The following EYS variants were observed in gnomAD, a reference collection of about 807,000 sequenced individuals.
The protein encoded by EYS is protein eyes shut homolog.
Under a neutral mutation model 282.1 loss-of-function variants are expected in EYS, and 250 were observed. The ratio of observed to expected loss-of-function variants is 0.89; its 90% CI spans 0.80 to 0.98. EYS has a LOEUF of 0.98. EYS is among the 50% of genes least tolerant of loss of function. EYS has a pLI of 0.00. For missense variants in EYS, 4,016 were observed against 3,709.0 expected (o/e 1.08, Z -2.15); for synonymous variants, 1,355 against 1,282.9 (o/e 1.06, Z -1.20).
At chr6:64,598,891 G>A (rs1766671539) in intron 24 of EYS, among the ~76,000 whole-genome samples, 1 of 152,230 alleles carries the variant, frequency 6.6e-6, no homozygotes, top group Admixed American at 6.5e-5. Flanking sequence ...GCAGTGGCCA[G>A]GGAAGTCTTC....
chr6:64,203,211 C>T (rs552274026), intron 31 of EYS, among the ~76,000 whole-genome samples: 3 of 152,290 alleles, frequency 2.0e-5, no homozygotes, highest in African/African-American at 7.2e-5. Context: ...CAATCCATGA[C>T]TGGAAGCCAG....
At chr6:65,247,889 T>C (rs1246664764) in intron 12 of EYS, among the ~76,000 whole-genome samples, 1 of 152,064 alleles carries the variant, frequency 6.6e-6, no homozygotes, top group Non-Finnish European at 1.5e-5. Flanking sequence ...AGGTTATCTT[T>C]AGGCTTTACA....
intron 5 of EYS, among the ~76,000 whole-genome samples, chr6:65,463,397 A>C (rs1230944191): frequency 6.6e-6 from 1 of 152,144 alleles, no homozygotes; most frequent in East Asian, 1.9e-4. Context: ...AATTGATATA[A>C]AATTGGTAAA....
intron 1 of EYS, among the ~76,000 whole-genome samples, chr6:65,653,881 T>G (rs1179196943): frequency 6.6e-6 from 1 of 151,932 alleles, no homozygotes; most frequent in Non-Finnish European, 1.5e-5. Flanking sequence ...TATAAGGACA[T>G]AGGAAGGCAA....
In EYS at chr6:64,095,220, T is replaced by C. The variant is rs143245819; in HGVS notation, c.6425-13218A>G. ...AGGTGTGGTGTGATGCTGAAAAGAA[T>C]GTATATTCTGTTGATTTGGGGTGGA... On this transcript the variant is annotated intron_variant, in intron 31 of 42. Transcript: ENST00000503581. Among the ~76,000 whole-genome samples the C allele has an allele frequency of 1.8e-4, 28 of 152,300 alleles. 1 individual carries two copies. The highest frequency in any genetic ancestry group is 6.7e-4 in the African/African-American group (28 of 41,568).
chr6:63,745,218 AG>A (rs1769183694), intron 41 of EYS, among the ~76,000 whole-genome samples: 1 of 152,218 alleles, frequency 6.6e-6, no homozygotes, highest in African/African-American at 2.4e-5. Context: ...ATGTAAAAGG[AG>A]GCTTTCCACC....
At chr6:65,059,831 T>C (rs1353399521) in intron 12 of EYS, among the ~76,000 whole-genome samples, 1 of 152,084 alleles carries the variant, frequency 6.6e-6, no homozygotes, top group Admixed American at 6.6e-5. Flanking sequence ...AGTCCTCAAG[T>C]TCCCAAAGAC....
At chr6:65,240,656 TCAC>T (rs918066111) in intron 12 of EYS, among the ~76,000 whole-genome samples, 1 of 152,214 alleles carries the variant, frequency 6.6e-6, no homozygotes, top group Non-Finnish European at 1.5e-5. Flanking sequence ...GTGGTATATA[TCAC>T]CACATTTTTT....
chr6:64,296,594 A>ATTT (rs1561913875), intron 30 of EYS, among the ~76,000 whole-genome samples: 3 of 4,874 alleles, frequency 6.2e-4, no homozygotes, highest in African/African-American at 1.9e-3. Flanking sequence ...ACATATATAT[A>ATTT]TATATTTTTT....
chr6:64,340,962 A>G (rs1745104165), intron 29 of EYS, among the ~76,000 whole-genome samples: 1 of 151,946 alleles, frequency 6.6e-6, no homozygotes, highest in Admixed American at 6.6e-5. Flanking sequence ...CATCTGAAAA[A>G]ATGCTCATTG....
chr6:64,013,157 C>T (rs1056949609), intron 33 of EYS, among the ~76,000 whole-genome samples: 1 of 152,154 alleles, frequency 6.6e-6, no homozygotes, highest in Non-Finnish European at 1.5e-5. Context: ...GAAGCAGAAA[C>T]TTCACTTACT....
At chr6:65,582,265 T>C (rs959471585) in intron 2 of EYS, among the ~76,000 whole-genome samples, 3 of 151,924 alleles carry the variant, frequency 2.0e-5, no homozygotes, top group African/African-American at 7.2e-5. Context: ...CTTTTACCAG[T>C]GTTTTGTTGG....
At chr6:64,940,808 C>T (rs1176786877) in intron 15 of EYS, among the ~76,000 whole-genome samples, 1 of 152,042 alleles carries the variant, frequency 6.6e-6, no homozygotes, top group African/African-American at 2.4e-5. Flanking sequence ...TTATAACCCA[C>T]TTTAATCACC....
intron 30 of EYS, among the ~76,000 whole-genome samples, chr6:64,252,770 A>G (rs559157373): frequency 6.6e-6 from 1 of 152,318 alleles, no homozygotes; most frequent in Admixed American, 6.5e-5. Context: ...CTCTAGTACA[A>G]GTTAGACAAG....
intron 26 of EYS, among the ~76,000 whole-genome samples, chr6:64,445,815 T>C (rs1436105526): frequency 6.6e-6 from 1 of 152,178 alleles, no homozygotes; most frequent in African/African-American, 2.4e-5. Flanking sequence ...TGGCTAGAAC[T>C]GGGTGACCAA....
chr6:64,499,457 TA>T (rs1375297477), intron 26 of EYS, among the ~76,000 whole-genome samples: 1 of 152,202 alleles, frequency 6.6e-6, no homozygotes. Flanking sequence ...TCATTTGTTT[TA>T]AATCTAGACT....
At chr6:63,936,965 C>T (rs183980052) in intron 35 of EYS, among the ~76,000 whole-genome samples, 114 of 152,134 alleles carry the variant, frequency 7.5e-4, no homozygotes, top group Non-Finnish European at 1.2e-3. Context: ...CTGAAGTTTC[C>T]GAGGTTCTGG....
chr6:63,896,373 C>A (rs1773538129), intron 35 of EYS, among the ~76,000 whole-genome samples: 1 of 152,118 alleles, frequency 6.6e-6, no homozygotes, highest in Admixed American at 6.5e-5. Flanking sequence ...AAGGCATGTA[C>A]CTGTTTGCTT....
At chr6:64,633,732 A>G (rs1437047297) in intron 22 of EYS, among the ~76,000 whole-genome samples, 1 of 151,914 alleles carries the variant, frequency 6.6e-6, no homozygotes. Flanking sequence ...CAAGCTAGAC[A>G]GTCTATCATA....
Sources: allele counts gnomAD v4.1 joint callset (sites outside exome capture counted in the v4.1 genomes callset), GRCh38; gene constraint gnomAD v4.1.1; transcripts MANE v1.5; gene names NCBI Gene and HGNC (gene_info 2026-07-23, HGNC 2026-07-21).